The following CNTNAP5 variants were observed in gnomAD, a reference collection of about 807,000 sequenced individuals.
CNTNAP5 encodes contactin-associated protein-like 5.
In CNTNAP5, 72 loss-of-function variants were observed where a neutral mutation model predicts 150.2. The ratio of observed to expected loss-of-function variants is 0.48; its 90% confidence interval spans 0.40 to 0.58. The LOEUF is 0.58. Ranked by LOEUF, CNTNAP5 falls within the 20% of genes least tolerant of loss-of-function variation. The pLI is 0.00. For missense variants in CNTNAP5, 1,636 were observed against 1,626.2 expected (o/e 1.01, Z -0.10); for synonymous variants, 672 against 619.8 (o/e 1.08, Z -1.25).
At chr2:124,733,565 T>C (rs1386518573) in intron 13 of CNTNAP5, among the ~76,000 whole-genome samples, 1 of 151,402 alleles carries the variant, frequency 6.6e-6, no homozygotes, top group African/African-American at 2.4e-5. Flanking sequence ...TAAAAAAGAG[T>C]AACAACCCAA....
chr2:124,209,294 C>A (rs1450651175), intron 1 of CNTNAP5, among the ~76,000 whole-genome samples: 1 of 152,158 alleles, frequency 6.6e-6, no homozygotes, highest in Non-Finnish European at 1.5e-5. Flanking sequence ...AGATGCGTTG[C>A]CTACCCAGTT....
At chr2:124,228,653 A>C (rs564597934) in intron 2 of CNTNAP5, among the ~76,000 whole-genome samples, 26 of 152,272 alleles carry the variant, frequency 1.7e-4, no homozygotes, top group African/African-American at 6.0e-4. Context: ...TTCCAGGAGG[A>C]TACTGAAAGA....
chr2:124,154,228 A>G (rs1009942133), intron 1 of CNTNAP5, among the ~76,000 whole-genome samples: 1 of 152,174 alleles, frequency 6.6e-6, no homozygotes, highest in African/African-American at 2.4e-5. Flanking sequence ...TGTCTGAGCC[A>G]GAATGAGCCT....
At chr2:124,370,343 A>G (rs940163199) in intron 3 of CNTNAP5, among the ~76,000 whole-genome samples, 1 of 152,092 alleles carries the variant, frequency 6.6e-6, no homozygotes, top group African/African-American at 2.4e-5. Flanking sequence ...GAGGGCTTCC[A>G]GGTAGGTTGT....
intron 3 of CNTNAP5, among the ~76,000 whole-genome samples, chr2:124,356,472 C>T: frequency 7.7e-6 from 1 of 129,440 alleles, no homozygotes; most frequent in African/African-American, 2.9e-5. Context: ...CCCACCCCAC[C>T]ACAGTCCCCA....
intron 6 of CNTNAP5, among the ~76,000 whole-genome samples, chr2:124,448,125 G>A (rs929134989): frequency 6.6e-5 from 10 of 152,002 alleles, no homozygotes; most frequent in South Asian, 2.1e-4. Flanking sequence ...AAAACTAGCC[G>A]GGCATGGTGG....
intron 11 of CNTNAP5, among the ~76,000 whole-genome samples, chr2:124,582,138 C>T (rs1014920195): frequency 6.6e-6 from 1 of 152,006 alleles, no homozygotes; most frequent in African/African-American, 2.4e-5. Flanking sequence ...CAGTGTAAAG[C>T]GATTCCATGC....
chr2:124,632,248 C>A (rs13391081), intron 12 of CNTNAP5, among the ~76,000 whole-genome samples: 1 of 152,030 alleles, frequency 6.6e-6, no homozygotes, highest in Non-Finnish European at 1.5e-5. Flanking sequence ...AAGTTACATG[C>A]GTGCATATGT....
chr2:124,774,213 T>C (rs1681271776), intron 17 of CNTNAP5, among the ~76,000 whole-genome samples: 1 of 151,876 alleles, frequency 6.6e-6, no homozygotes, highest in South Asian at 2.1e-4. Context: ...TTTGTTTATT[T>C]ATTTTTTTTT....
chr2:124,191,792 G>A (rs775548905), intron 1 of CNTNAP5, among the ~76,000 whole-genome samples: 1 of 152,052 alleles, frequency 6.6e-6, no homozygotes, highest in African/African-American at 2.4e-5. Context: ...GCTCACGCCT[G>A]TAATCCCAGC....
At chr2:124,440,963 A>G (rs1692659133) in intron 5 of CNTNAP5, among the ~76,000 whole-genome samples, 1 of 152,138 alleles carries the variant, frequency 6.6e-6, no homozygotes. Context: ...TTTCGTGAGA[A>G]TTAAGTGTTT....
chr2:124,199,218 A>G (rs1685659730), intron 1 of CNTNAP5, among the ~76,000 whole-genome samples: 3 of 152,110 alleles, frequency 2.0e-5, no homozygotes, highest in Admixed American at 1.3e-4. Flanking sequence ...ACAGAGGAAA[A>G]GGAATTCTGA....
intron 8 of CNTNAP5, among the ~76,000 whole-genome samples, chr2:124,515,906 C>A (rs562431335): frequency 6.6e-6 from 1 of 152,240 alleles, no homozygotes; most frequent in East Asian, 1.9e-4. Context: ...ATTCTCTGGG[C>A]TCCATGACCC....
chr2:124,352,078 A>G (rs555265061), intron 3 of CNTNAP5, among the ~76,000 whole-genome samples: 7 of 152,054 alleles, frequency 4.6e-5, no homozygotes, highest in Non-Finnish European at 1.0e-4. Flanking sequence ...TCTGGGGAAC[A>G]CGAATGACCA....
intron 12 of CNTNAP5, among the ~76,000 whole-genome samples, chr2:124,640,048 C>A (rs1340587563): frequency 6.6e-6 from 1 of 152,062 alleles, no homozygotes; most frequent in African/African-American, 2.4e-5. Flanking sequence ...GTTAGCGAAA[C>A]TTGCACCCCT....
intron 3 of CNTNAP5, among the ~76,000 whole-genome samples, chr2:124,316,851 A>C (rs1036568684): frequency 1.3e-5 from 2 of 151,750 alleles, no homozygotes; most frequent in Non-Finnish European, 2.9e-5. Flanking sequence ...AAAGAAAAGA[A>C]AAGAAAGAAT....
Position 124,053,664 on chromosome 2 carries a change from G to A in CNTNAP5, c.82+27932G>A, listed in dbSNP as rs564352952. Among the ~76,000 whole-genome samples, 3 of 152,314 alleles carry A rather than the reference G, an allele frequency of 2.0e-5. No individual in the cohort carries two copies. The East Asian group carries it at 5.8e-4, about 29-fold the overall frequency. ...ATGGCATGGTTTACATAAACACCTA[G>A]TACAGTGTCAGGTACAATACATGGT... is the stretch of plus-strand genomic sequence containing the variant. On this transcript the variant is annotated intron_variant, in intron 1 of 23. Transcript: ENST00000682447.
chr2:124,706,471 G>C lies in CNTNAP5; in HGVS notation c.2078-40758G>C, dbSNP rs1212387342. On this transcript the variant is annotated intron_variant, in intron 13 of 23. Coordinates refer to ENST00000682447, the MANE Select transcript of CNTNAP5 (RefSeq NM_001367498.1). ...GTCCCTCAGTGTATCCTGAGGCTGG[G>C]CATGGTGGCTCGTGCCTCTAATCCC... 2.0e-5 allele frequency among the ~76,000 whole-genome samples: 3 copies of C among 152,194 alleles called. No homozygotes were observed. The East Asian group carries it at 5.8e-4, about 30-fold the overall frequency.
chr2:124,126,690 A>T (rs2104723022), intron 1 of CNTNAP5, among the ~76,000 whole-genome samples: 1 of 152,334 alleles, frequency 6.6e-6, no homozygotes, highest in South Asian at 2.1e-4. Flanking sequence ...ATCCAGCAGC[A>T]CATCAAAAAG....
Sources: gnomAD v4.1 joint callset for allele counts (sites outside exome capture counted in the v4.1 genomes callset) on GRCh38, gnomAD v4.1.1 for gene constraint, MANE v1.5 for transcripts, NCBI Gene and HGNC (gene_info 2026-07-23, HGNC 2026-07-21) for gene names.